The following ZNF469 variants were observed in gnomAD, a reference collection of about 807,000 sequenced individuals.
ZNF469 encodes zinc finger protein 469.
A neutral mutation model predicts 1.0 loss-of-function variants in ZNF469; 1 was observed. The observed-to-expected ratio is 1.00, with a 90% confidence interval of 0.35 to 4.73. The LOEUF (loss-of-function observed/expected upper bound fraction) is 4.73. Among genes scored for constraint, ZNF469 ranks in the 30% most tolerant of loss-of-function variants. The probability of loss-of-function intolerance (pLI) is 0.16; values close to 1 mark genes in which losing one functional copy is unlikely to be tolerated. For synonymous variants in ZNF469, 2,703 were observed against 2,363.4 expected (o/e 1.14, Z -4.17); for missense variants, 6,100 against 5,356.3 (o/e 1.14, Z -4.33).
the ZNF469 span, among the ~76,000 whole-genome samples, chr16:88,280,542 G>C: frequency 2.0e-5 from 3 of 151,460 alleles, no homozygotes; most frequent in Non-Finnish European, 4.4e-5. Flanking sequence ...ACGGGTTGGT[G>C]CTGTGCCACG....
intron 1 of ZNF469, among the ~76,000 whole-genome samples, chr16:88,413,631 C>T (rs1220827318): frequency 3.3e-5 from 5 of 152,230 alleles, no homozygotes; most frequent in African/African-American, 1.2e-4. Flanking sequence ...AGCGTTATAG[C>T]AAGGTTCAGT....
the ZNF469 span, among the ~76,000 whole-genome samples, chr16:88,239,684 T>TACAC: frequency 3.8e-4 from 2 of 5,232 alleles, 1 homozygote; most frequent in Non-Finnish European, 6.5e-4. Flanking sequence ...TATATATATA[T>TACAC]ATATATATAT....
intron 1 of ZNF469, among the ~76,000 whole-genome samples, chr16:88,403,899 G>T (rs534040342): frequency 4.6e-5 from 7 of 152,208 alleles, no homozygotes; most frequent in Admixed American, 2.0e-4. Flanking sequence ...GGGGTTCCTG[G>T]TGGGCAAGGA....
the ZNF469 span, among the ~76,000 whole-genome samples, chr16:88,364,339 T>C: frequency 7.2e-5 from 11 of 152,198 alleles, no homozygotes; most frequent in African/African-American, 2.7e-4. Context: ...TGTGCCAATA[T>C]CACTGTTTTC....
At chr16:88,403,871 G>C (rs1904952521) in intron 1 of ZNF469, among the ~76,000 whole-genome samples, 6 of 152,060 alleles carry the variant, frequency 3.9e-5, no homozygotes, top group Admixed American at 2.0e-4. Context: ...TCCTCAGCCT[G>C]GTTCAAAAGC....
chr16:88,104,462 G>A, the ZNF469 span, among the ~76,000 whole-genome samples: 1 of 151,860 alleles, frequency 6.6e-6, no homozygotes, highest in Non-Finnish European at 1.5e-5. Flanking sequence ...GCCTCTTGCC[G>A]GCCCCTTTCA....
chr16:88,322,273 G>A, the ZNF469 span, among the ~76,000 whole-genome samples: 1 of 152,222 alleles, frequency 6.6e-6, no homozygotes, highest in African/African-American at 2.4e-5. Flanking sequence ...GAGGCCAGGT[G>A]AATCGGAACT....
At chr16:88,371,357 G>A in the ZNF469 span, among the ~76,000 whole-genome samples, 10 of 152,226 alleles carry the variant, frequency 6.6e-5, no homozygotes, top group African/African-American at 1.4e-4. Context: ...CCATATACAT[G>A]AGCAATCAAG....
Position 88,427,410 on chromosome 16 carries a change from G to A in ZNF469, c.-61G>A. On this transcript the variant is annotated 5_prime_UTR_variant, in exon 3 of 3. Coordinates refer to ENST00000565624, the MANE Select transcript of ZNF469 (RefSeq NM_001367624.2). ...ATCGAGGGCTGAGGATGGCCGTCCA[G>A]CCCACTCCCCAGGGCCCCCCTCGGA... 7.0e-7 allele frequency: 1 copy of A among 1,430,472 alleles called. No individual in the cohort carries two copies. The highest frequency in any genetic ancestry group is 9.1e-7 in the Non-Finnish European group (1 of 1,093,792). The allele number at this position is 1,430,472 out of a possible 1,614,324, so 88.6% of individuals were successfully genotyped here.
chr16:88,381,278 T>TCA (rs199753521), upstream of ZNF469, among the ~76,000 whole-genome samples: 3 of 118,048 alleles, frequency 2.5e-5, no homozygotes, highest in East Asian at 5.2e-4. Context: ...AGACATGCAC[T>TCA]CACACACACG....
chr16:88,306,710 C>A, the ZNF469 span, among the ~76,000 whole-genome samples: 1 of 152,200 alleles, frequency 6.6e-6, no homozygotes, highest in Admixed American at 6.5e-5. Context: ...GGACCCTGAC[C>A]AGCACCAGGG....
the ZNF469 span, among the ~76,000 whole-genome samples, chr16:88,154,342 G>C: frequency 6.6e-6 from 1 of 152,130 alleles, no homozygotes; most frequent in South Asian, 2.1e-4. Flanking sequence ...ATTTTTAGTA[G>C]AGATGTAGAG....
chr16:88,124,873 T>A, the ZNF469 span, among the ~76,000 whole-genome samples: 261 of 152,382 alleles, frequency 1.7e-3, 3 homozygotes, highest in African/African-American at 6.1e-3. Flanking sequence ...CGTGAGCCAC[T>A]GCGCCCGGCC....
chr16:88,229,482 C>T, the ZNF469 span, among the ~76,000 whole-genome samples: 3 of 152,074 alleles, frequency 2.0e-5, no homozygotes, highest in African/African-American at 2.4e-5. Flanking sequence ...TCATTACGTG[C>T]GGTGCTTGTG....
chr16:88,280,330 G>T, the ZNF469 span, among the ~76,000 whole-genome samples: 1 of 151,784 alleles, frequency 6.6e-6, no homozygotes, highest in African/African-American at 2.4e-5. Context: ...CACAGTTAGT[G>T]CTGCGCTACG....
chr16:88,164,904 G>A, the ZNF469 span, among the ~76,000 whole-genome samples: 1 of 152,230 alleles, frequency 6.6e-6, no homozygotes, highest in Non-Finnish European at 1.5e-5. Flanking sequence ...TCTACACTGA[G>A]CGTGCTTTCC....
the ZNF469 span, among the ~76,000 whole-genome samples, chr16:88,306,914 T>C: frequency 6.6e-6 from 1 of 152,224 alleles, no homozygotes; most frequent in African/African-American, 2.4e-5. Context: ...ATTCACAGAA[T>C]TGTGCAACCG....
chr16:88,291,889 C>A, the ZNF469 span, among the ~76,000 whole-genome samples: 2 of 152,124 alleles, frequency 1.3e-5, no homozygotes, highest in Non-Finnish European at 2.9e-5. Flanking sequence ...GCCTTCAGAC[C>A]CCTCTGTTTT....
the ZNF469 span, among the ~76,000 whole-genome samples, chr16:88,128,490 G>T: frequency 6.6e-6 from 1 of 152,168 alleles, no homozygotes; most frequent in Non-Finnish European, 1.5e-5. Context: ...TGGCACCATT[G>T]TGGTTCAGAA....
Sources: gnomAD v4.1 joint callset for allele counts (sites outside exome capture counted in the v4.1 genomes callset) on GRCh38, gnomAD v4.1.1 for gene constraint, MANE v1.5 for transcripts, NCBI Gene and HGNC (gene_info 2026-07-23, HGNC 2026-07-21) for gene names.